The following CCN5 variants were observed in gnomAD, a reference collection of about 807,000 sequenced individuals.
CCN5 encodes cellular communication network factor 5.
CCN5 carries 17 observed loss-of-function variants against 18.7 expected under a neutral mutation model. The ratio of observed to expected loss-of-function variants is 0.91; its 90% CI spans 0.62 to 1.36. CCN5 has a LOEUF of 1.36. Among genes scored for constraint, CCN5 ranks in the 40% most tolerant of loss-of-function variants. The pLI is 0.00. For missense variants in CCN5, 367 were observed against 342.9 expected (o/e 1.07, Z -0.56); for synonymous variants, 135 against 145.2 (o/e 0.93, Z 0.50).
intron 3 of CCN5, among the ~76,000 whole-genome samples, chr20:44,726,778 T>G (rs1276906934): frequency 6.6e-6 from 1 of 152,154 alleles, no homozygotes; most frequent in East Asian, 1.9e-4. Flanking sequence ...ACCCCCTGCC[T>G]GTAAAATGCT....
chr20:44,721,262 T>C (rs2145414910), intron 2 of CCN5: 1 of 151,174 alleles, frequency 6.6e-6, no homozygotes, highest in East Asian at 1.9e-4. Context: ...ATCCTATCAG[T>C]TTGGGAGACT....
At chr20:44,717,342 G>A (rs1341873406) in intron 1 of CCN5, among the ~76,000 whole-genome samples, 1 of 152,132 alleles carries the variant, frequency 6.6e-6, no homozygotes. Flanking sequence ...CCTGGGTATC[G>A]GGGCCTACAG....
intron 1 of CCN5, 86 bp from the exon 2 acceptor site, chr20:44,719,811 C>G (rs1021772904): frequency 1.8e-5 from 25 of 1,423,870 alleles, no homozygotes; most frequent in Non-Finnish European, 2.3e-5. Context: ...ACCACACTAC[C>G]CAGCCTGGCA....
upstream of CCN5, chr20:44,715,254 TGTGTGTGA>T (rs780664630): frequency 2.8e-4 from 162 of 581,432 alleles, 3 homozygotes; most frequent in East Asian, 1.2e-3. Flanking sequence ...TGTGTGTGTG[TGTGTGTGA>T]GCGCGCGCGC....
At chr20:44,722,826 G>A (rs369645383) in intron 2 of CCN5, among the ~76,000 whole-genome samples, 19 of 152,074 alleles carry the variant, frequency 1.2e-4, no homozygotes, top group African/African-American at 4.6e-4. Context: ...CAAATTCATC[G>A]TGTATTTCCA....
At chr20:44,721,278 G>A (rs1474674919) in intron 2 of CCN5, 1 of 151,330 alleles carries the variant, frequency 6.6e-6, no homozygotes, top group Non-Finnish European at 1.5e-5. Context: ...AGACTGAGGC[G>A]GGACGACCAC....
At chr20:44,724,528 C>T (rs2065921375) in intron 2 of CCN5, 5 of 686,740 alleles carry the variant, frequency 7.3e-6, no homozygotes, top group Non-Finnish European at 1.2e-5. Context: ...TCAATCCAGG[C>T]CTGTCTTCTT....
Position 44,727,093 on chromosome 20 carries a change from A to T in CCN5, c.539A>T (p.Gln180Leu). The change falls in exon 4 of 4, where the codon CAG becomes CTG. Residue 180 changes from glutamine to leucine, a missense_variant. Transcript: ENST00000190983. ...CTTGTTCTTTCCCCCCTAGGACCCC[A>T]GTTTTCTGGCCTTGTCTCTTCCCTG... ...GTQPLPAQGP[Q>L]FSGLVSSLPP... 6.3e-7 allele frequency: 1 copy of T among 1,582,646 alleles called. No homozygotes were observed. Among genetic ancestry groups the T allele is most frequent in the Non-Finnish European group, 8.6e-7 (1 of 1,161,840 alleles).
chr20:44,724,989 C>A lies in CCN5; in HGVS notation c.529C>A (p.Gln177Lys). ...ACTGGGGACCCAGCCCCTTCCAGCC[C>A]AAGGTGAGCGCAGCGGTGGTCCAGG... ...GGLGTQPLPAQGPQFSGLVSS... is the reference protein window; with the variant it reads ...GGLGTQPLPAKGPQFSGLVSS... Residue 177 changes from glutamine to lysine, a missense_variant, in exon 3 of 4, where the codon CAA (glutamine) becomes AAA (lysine). Physicochemically the swap from Gln to Lys is moderately conservative, Grantham distance 53. Coordinates refer to ENST00000190983, the MANE Select transcript of CCN5 (RefSeq NM_003881.4). 6.3e-7 allele frequency: 1 copy of A among 1,577,916 alleles called. No individual in the cohort carries two copies.
Position 44,724,841 on chromosome 20 carries a change from C to A in CCN5, c.381C>A (p.Gly127=). 1 of 1,602,090 alleles carries A rather than the reference C, an allele frequency of 6.2e-7. No homozygotes were observed. The highest frequency in any genetic ancestry group is 2.2e-5 in the East Asian group (1 of 44,512). Residue 127 remains glycine, a synonymous_variant, in exon 3 of 4, where the codon GGC becomes GGA. Coordinates refer to ENST00000190983, the MANE Select transcript of CCN5 (RefSeq NM_003881.4). The part of the protein sequence containing the change: ...CSIRCRCEDG[G]FTCVPLCSED... ...TCCGCTGCCGCTGCGAGGACGGCGGCTTCACCTGCGTGCCGCTGTGCAGCG... is the reference window on the plus strand; with the variant it reads ...TCCGCTGCCGCTGCGAGGACGGCGGATTCACCTGCGTGCCGCTGTGCAGCG...
At chr20:44,722,226 A>G (rs2145416334) in intron 2 of CCN5, among the ~76,000 whole-genome samples, 1 of 152,286 alleles carries the variant, frequency 6.6e-6, no homozygotes. Flanking sequence ...CTTTGCAGGG[A>G]ACATACTGCC....
At chr20:44,717,464 G>C (rs1000831937) in intron 1 of CCN5, among the ~76,000 whole-genome samples, 7 of 152,170 alleles carry the variant, frequency 4.6e-5, no homozygotes, top group Non-Finnish European at 1.0e-4. Flanking sequence ...AGGGACCTGA[G>C]AGTCATTTCT....
intron 2 of CCN5, among the ~76,000 whole-genome samples, chr20:44,723,034 A>G (rs1247570580): frequency 6.6e-6 from 1 of 152,048 alleles, no homozygotes; most frequent in Non-Finnish European, 1.5e-5. Flanking sequence ...TTCCCATCTC[A>G]GAGGAAAAGC....
intron 1 of CCN5, 55 bp from the exon 2 acceptor site, chr20:44,719,842 G>A: frequency 6.4e-7 from 1 of 1,553,604 alleles, no homozygotes; most frequent in Middle Eastern, 2.3e-4. Flanking sequence ...TGGTTGTGAG[G>A]GTCTCACTGC....
At chr20:44,720,453 C>T (rs1740338424) in intron 2 of CCN5, 6 of 408,850 alleles carry the variant, frequency 1.5e-5, no homozygotes, top group Non-Finnish European at 1.8e-5. Flanking sequence ...TCTCAGGATC[C>T]TTACAACACT....
At chr20:44,721,295 C>A (rs2065897789) in intron 2 of CCN5, 1 of 150,664 alleles carries the variant, frequency 6.6e-6, no homozygotes, top group African/African-American at 2.4e-5. Context: ...CCACTTGAGC[C>A]CAGGAGTTCT....
chr20:44,720,232 C>A, intron 2 of CCN5, 119 bp downstream of exon 2: 1 of 1,070,846 alleles, frequency 9.3e-7, no homozygotes, highest in Non-Finnish European at 1.3e-6. Context: ...CTTCAGGTAT[C>A]CCATCCATTC....
chr20:44,716,301 C>T lies in CCN5; in HGVS notation c.60+851C>T, dbSNP rs564683784. Among the ~76,000 whole-genome samples, 14 of 152,306 alleles carry T rather than the reference C, an allele frequency of 9.2e-5. No individual in the cohort carries two copies. In the South Asian group the frequency reaches 1.7e-3, roughly 18 times the overall value. On this transcript the variant is annotated intron_variant, in intron 1 of 3. Coordinates refer to ENST00000190983, the MANE Select transcript of CCN5 (RefSeq NM_003881.4). Reference sequence around the variant, plus strand: ...CAGCTGCTAAGCCTTGTCATCCCCTCGGCAAATGCTGAGTTCCCAGAGCCA... The same window carrying T: ...CAGCTGCTAAGCCTTGTCATCCCCTTGGCAAATGCTGAGTTCCCAGAGCCA...
In CCN5 at chr20:44,727,173, A is replaced by G; in HGVS notation, c.619A>G (p.Thr207Ala). The change falls in exon 4 of 4, where the codon ACC (threonine) becomes GCC (alanine). Residue 207 changes from threonine (T) to alanine (A), a missense_variant. Physicochemically the swap from Thr to Ala is moderately conservative, Grantham distance 58 (BLOSUM62 0). Transcript: ENST00000190983. ...CACGGCCTGGGGACCCTGCTCGACC[A>G]CCTGTGGGCTGGGCATGGCCACCCG... is the stretch of plus-strand genomic sequence containing the variant. ...WSTAWGPCST[T>A]CGLGMATRVS... is the part of the protein sequence containing the mutation. 6.2e-7 allele frequency: 1 copy of G among 1,613,546 alleles called. No homozygotes were observed. Among genetic ancestry groups the G allele is most frequent in the Non-Finnish European group, 8.5e-7 (1 of 1,179,870 alleles).
Sources: allele counts gnomAD v4.1 joint callset (sites outside exome capture counted in the v4.1 genomes callset), GRCh38; gene constraint gnomAD v4.1.1; transcripts MANE v1.5; gene names NCBI Gene and HGNC (gene_info 2026-07-23, HGNC 2026-07-21).